The following ZNF534 variants were observed in gnomAD, a reference collection of about 807,000 sequenced individuals.
ZNF534 encodes the protein zinc finger protein 534, also known as KRAB domain only 3.
Under a neutral mutation model 13.6 loss-of-function variants are expected in ZNF534, and 19 were observed. That is an observed-to-expected ratio of 1.40 (90% CI 0.97 to 2.05). The LOEUF (loss-of-function observed/expected upper bound fraction) is 2.05, where lower values mean the gene tolerates loss of function less well. Ranked by LOEUF, ZNF534 falls within the 30% of genes most tolerant of loss-of-function variation. ZNF534 has a pLI of 0.00. For synonymous variants in ZNF534, 244 were observed against 273.8 expected (o/e 0.89, Z 1.07); for missense variants, 782 against 796.3 (o/e 0.98, Z 0.22).
At chr19:52,449,980 C>T (rs903433819) in intron 4 of ZNF534, among the ~76,000 whole-genome samples, 1 of 152,058 alleles carries the variant, frequency 6.6e-6, no homozygotes, top group African/African-American at 2.4e-5. Flanking sequence ...AAGATCGCAC[C>T]ACTGCACTCC....
chr19:52,433,999 G>A lies in ZNF534; in HGVS notation c.60G>A (p.Glu20=). The change falls in exon 3 of 5, where the codon GAG becomes GAA. Residue 20 remains glutamate, a synonymous_variant. Transcript: ENST00000433050. ...FSDVAIEFSQ[E]EWKCLDPGQK... The stretch of plus-strand genomic sequence containing the variant: ...ATGTGGCCATAGAATTCTCTCAGGA[G>A]GAGTGGAAATGCCTGGACCCTGGGC... 6.2e-7 allele frequency: 1 copy of A among 1,614,126 alleles called. No homozygotes were observed. Among genetic ancestry groups the A allele is most frequent in the Non-Finnish European group, 8.5e-7 (1 of 1,180,024 alleles).
Position 52,435,102 on chromosome 19 carries a change from G to A in ZNF534, c.164G>A (p.Ser55Asn), listed in dbSNP as rs1267229147. 5.0e-6 allele frequency: 8 copies of A among 1,612,888 alleles called. No homozygotes were observed. Among genetic ancestry groups the A allele is most frequent in the Non-Finnish European group, 6.8e-6 (8 of 1,179,342 alleles). ...GTAGGAATCTGTCTTCCTGACCTGA[G>A]TGTTACCTCCATGTTGGAGCAAAAG... ...VSLGICLPDL[S>N]VTSMLEQKRD... Residue 55 changes from serine (S) to asparagine (N), a missense_variant, in exon 4 of 5, where the codon AGT becomes AAT. Coordinates refer to ENST00000433050, the MANE Select transcript of ZNF534 (RefSeq NM_001143938.3).
In ZNF534 at chr19:52,441,107, T is replaced by C. The variant is rs1315535429; in HGVS notation, c.*1661T>C. 1.3e-5 allele frequency among the ~76,000 whole-genome samples: 2 copies of C among 152,156 alleles called. No individual in the cohort carries two copies. The highest frequency in any genetic ancestry group is 1.5e-5 in the Non-Finnish European group (1 of 68,034). On this transcript the variant is annotated 3_prime_UTR_variant, in exon 5 of 5. Coordinates refer to ENST00000433050, the MANE Select transcript of ZNF534 (RefSeq NM_001143938.3). Reference sequence around the variant, plus strand: ...TTTTAGTAGAGACGGGGTTTCACCATGTTAGCCAGGCTGGTCTCGATCTCC... The same window carrying C: ...TTTTAGTAGAGACGGGGTTTCACCACGTTAGCCAGGCTGGTCTCGATCTCC...
At chr19:52,444,303 G>T (rs1236104517), downstream of ZNF534, among the ~76,000 whole-genome samples, 1 of 152,146 alleles carries the variant, frequency 6.6e-6, no homozygotes, top group South Asian at 2.1e-4. Flanking sequence ...GGTCTGCCAG[G>T]CTCCAGGCTG....
downstream of ZNF534, among the ~76,000 whole-genome samples, chr19:52,447,024 C>T (rs551924675): frequency 6.6e-6 from 1 of 152,320 alleles, no homozygotes; most frequent in East Asian, 1.9e-4. Context: ...ACTTCCTCCA[C>T]CTTCAATGTC....
chr19:52,429,825 C>A (rs989499334), intron 1 of ZNF534, among the ~76,000 whole-genome samples: 3 of 151,912 alleles, frequency 2.0e-5, no homozygotes, highest in Admixed American at 2.0e-4. Context: ...GAACTCCTGA[C>A]CTCAGGTGAT....
chr19:52,451,446 C>T (rs745337589), exon 5 of ZNF534: 18 of 618,520 alleles, frequency 2.9e-5, no homozygotes, highest in African/African-American at 1.3e-4. Flanking sequence ...CGCCGCACGC[C>T]CCGGACGCTG....
In ZNF534 at chr19:52,438,830, G is replaced by T; in HGVS notation, c.1370G>T (p.Cys457Phe). 6.2e-7 allele frequency: 1 copy of T among 1,611,496 alleles called. No individual in the cohort carries two copies. Among genetic ancestry groups the T allele is most frequent in the East Asian group, 2.2e-5 (1 of 44,700 alleles). Residue 457 changes from cysteine to phenylalanine, a missense_variant, in exon 5 of 5, where the codon TGT becomes TTT. Around this residue, in one of 5 missense-constraint regions of ZNF534, gnomAD observed 591 missense variants for 574.0 expected, o/e 1.03. Transcript: ENST00000433050. ...FRHKSSLTYH[C>F]RIHTGEKPYK... ...CACAAGTCTTCCCTAACCTATCACT[G>T]TAGAATTCATACTGGAGAGAAGCCT...
intron 1 of ZNF534, among the ~76,000 whole-genome samples, 151 bp from the exon 2 acceptor site, chr19:52,431,257 A>G (rs2059085192): frequency 6.6e-6 from 1 of 152,040 alleles, no homozygotes; most frequent in Non-Finnish European, 1.5e-5. Flanking sequence ...GGGAGTAAAA[A>G]ACTCACTTGT....
rs202127203 is a variant in ZNF534 at position 52,430,043 on chromosome 19, TCTCA to T, written c.-68+803_-68+806del. Among the ~76,000 whole-genome samples the T allele has an allele frequency of 2.8e-4, 42 of 151,522 alleles. No individual in the cohort carries two copies. In the East Asian group the frequency reaches 8.0e-3, roughly 29 times the overall value. On this transcript the variant is annotated intron_variant, in intron 1 of 4. Transcript: ENST00000433050. ...TTTTTTGGGTTTTTTTGAGACAGAG[TCTCA>T]CTCTGACGCCAAGGCTGGAGTGCAG... is the stretch of plus-strand genomic sequence containing the variant.
downstream of ZNF534, among the ~76,000 whole-genome samples, chr19:52,445,884 T>G (rs577605541): frequency 6.6e-6 from 1 of 152,308 alleles, no homozygotes; most frequent in South Asian, 2.1e-4. Flanking sequence ...TAATCCTTAT[T>G]ATATGTATAA....
downstream of ZNF534, among the ~76,000 whole-genome samples, chr19:52,444,174 T>G (rs1442458536): frequency 6.6e-6 from 1 of 152,152 alleles, no homozygotes; most frequent in Non-Finnish European, 1.5e-5. Context: ...GTTCAGATTC[T>G]TGTCCCATGG....
chr19:52,438,941 A>C lies in ZNF534; in HGVS notation c.1481A>C (p.Tyr494Ser), dbSNP rs552942998. 7 of 1,596,608 alleles carry C rather than the reference A, an allele frequency of 4.4e-6. No homozygotes were observed. Among genetic ancestry groups the C allele is most frequent in the Non-Finnish European group, 6.0e-6 (7 of 1,169,430 alleles). Residue 494 changes from tyrosine to serine, a missense_variant, in exon 5 of 5, where the codon TAC becomes TCC. Transcript: ENST00000433050. The stretch of plus-strand genomic sequence containing the variant: ...AAAATTCATACTGGAGAGAAGCTTT[A>C]CAAATGTAATGAATGTGGCAAGGTC... ...HRKIHTGEKLYKCNECGKVFR... is the reference protein window; with the variant it reads ...HRKIHTGEKLSKCNECGKVFR...
At position 52,434,096 on chromosome 19, in the gene ZNF534, C is replaced by A; in HGVS notation, c.142+15C>A. ...GGTCTCCCTAGGTGAGGATAATGTC[C>A]GTCCAGAAGCCTGCATCTGCTCTGG... On this transcript the variant is annotated intron_variant, in intron 3 of 4. Transcript: ENST00000433050. 6.2e-7 allele frequency: 1 copy of A among 1,609,766 alleles called. No homozygotes were observed. The highest frequency in any genetic ancestry group is 8.5e-7 in the Non-Finnish European group (1 of 1,178,730).
chr19:52,438,746 T>C lies in ZNF534; in HGVS notation c.1286T>C (p.Leu429Pro), dbSNP rs2059148747. 1 of 1,599,206 alleles carries C rather than the reference T, an allele frequency of 6.3e-7. No individual in the cohort carries two copies. Reference protein sequence around the residue: ...FRTCSDLTAHLLIHTGEKPYE... With the variant: ...FRTCSDLTAHPLIHTGEKPYE... ...ACGTGTTCAGATCTCACTGCCCATC[T>C]TCTAATCCATACTGGAGAGAAACCT... Residue 429 changes from leucine to proline, a missense_variant, in exon 5 of 5, where the codon CTT (leucine) becomes CCT (proline). Coordinates refer to ENST00000433050, the MANE Select transcript of ZNF534 (RefSeq NM_001143938.3).
In ZNF534 at chr19:52,433,982, AT is replaced by A; in HGVS notation, c.44del (p.Ile15LysfsTer22). ...GCAATTGTCATTCAGCGATGTGGCC[AT>A]AGAATTCTCTCAGGAGGAGTGGAAA... The part of the protein sequence containing the change: ...QGQLSFSDVA[I>X]EFSQEEWKCL... On this transcript the variant is annotated frameshift_variant, in exon 3 of 5. Transcript: ENST00000433050. LOFTEE classifies it high-confidence loss of function. 1 of 1,614,112 alleles carries A rather than the reference AT, an allele frequency of 6.2e-7. No individual in the cohort carries two copies. Among genetic ancestry groups the A allele is most frequent in the Non-Finnish European group, 8.5e-7 (1 of 1,179,990 alleles).
chr19:52,448,397 C>CA lies in ZNF534; in HGVS notation c.272-2778dup, dbSNP rs61344558. Among the ~76,000 whole-genome samples, 497 of 150,904 alleles carry CA rather than the reference C, an allele frequency of 3.3e-3. 5 individuals carry two copies. The highest frequency in any genetic ancestry group is 0.011 in the African/African-American group (456 of 41,042). ...TGGGCAATAGAGCAAGACTCCGTCT[C>CA]AAAAAAAAAAAATTATTTTTTAAAA... On this transcript the variant is annotated intron_variant, in intron 4 of 4. Transcript: ENST00000301085.
In ZNF534 at chr19:52,438,704, G is replaced by A. The variant is rs1221199887; in HGVS notation, c.1244G>A (p.Cys415Tyr). 33 of 1,584,676 alleles carry A rather than the reference G, an allele frequency of 2.1e-5. No individual in the cohort carries two copies. The highest frequency in any genetic ancestry group is 2.8e-5 in the Non-Finnish European group (33 of 1,164,608). ...GGGAGGCGTTACAAATGTAATGAAT[G>A]TGGCAAAGCATTTAGAACGTGTTCA... ...TGGRRYKCNE[C>Y]GKAFRTCSDL... is the part of the protein sequence containing the mutation. The change falls in exon 5 of 5, where the codon TGT (cysteine) becomes TAT (tyrosine). Residue 415 changes from cysteine (C) to tyrosine (Y), a missense_variant. Transcript: ENST00000433050.
intron 3 of ZNF534, 111 bp downstream of exon 3, chr19:52,434,192 G>C: frequency 1.3e-6 from 2 of 1,489,918 alleles, no homozygotes; most frequent in South Asian, 2.7e-5. Context: ...ATTGAAACCT[G>C]TTGACTAAGA....
Sources: gnomAD v4.1 joint callset for allele counts (sites outside exome capture counted in the v4.1 genomes callset) on GRCh38, gnomAD v4.1.1 for gene constraint, gnomAD v4.1.1 regional missense constraint, MANE v1.5 for transcripts, NCBI Gene and HGNC (gene_info 2026-07-23, HGNC 2026-07-21) for gene names.